Variants in RUSC2 observed in about 807,000 individuals in gnomAD.
RUSC2 encodes RUN and SH3 domain containing 2.
Under a neutral mutation model 122.2 loss-of-function variants are expected in RUSC2, and 34 were observed. That is an observed-to-expected ratio of 0.28 (90% CI 0.21 to 0.37). RUSC2 has a LOEUF of 0.37. Ranked by LOEUF, RUSC2 falls within the 10% of genes least tolerant of loss-of-function variation. RUSC2 has a pLI of 1.00. For synonymous variants in RUSC2, 784 were observed against 790.0 expected, an observed-to-expected ratio of 0.99 and a Z score of 0.13; for missense variants, 1,747 against 1,952.4, an observed-to-expected ratio of 0.89 and a Z score of 1.98.
At chr9:35,524,964 C>G (rs868437040) in intron 1 of RUSC2, among the ~76,000 whole-genome samples, 2 of 150,302 alleles carry the variant, frequency 1.3e-5, no homozygotes, top group South Asian at 4.2e-4. Flanking sequence ...GAGCGAGACT[C>G]CATCTCAAAA....
chr9:35,558,587 A>G lies in RUSC2; in HGVS notation c.3341+20A>G. 6.3e-7 allele frequency: 1 copy of G among 1,596,642 alleles called. No homozygotes were observed. The highest frequency in any genetic ancestry group is 8.6e-7 in the Non-Finnish European group (1 of 1,164,188). On this transcript the variant is annotated intron_variant, in intron 8 of 11. Transcript: ENST00000361226. This position sits in a 1 kb window ranked among gnomAD's most constrained non-coding sequence, Gnocchi z 4.3. ...GCTCAAGTGAGTGCACAGAGCAGCA[A>G]GATCCCCTAAACAACTTGCCCTGCC...
Position 35,515,986 on chromosome 9 carries a change from G to A in RUSC2, c.-93+25814G>A, listed in dbSNP as rs1213660320. Among the ~76,000 whole-genome samples the A allele has an allele frequency of 1.5e-4, 8 of 55,006 alleles. No individual in the cohort carries two copies. In the East Asian group the frequency reaches 1.8e-3, roughly 12 times the overall value. The allele number at this position is 55,006 out of a possible 152,430, so 36.1% of individuals were successfully genotyped here. A position where few individuals can be genotyped will look rare whatever the true frequency, so the allele number is the denominator to read the frequency against. ...CACATTCCAGCCTGAGCGACACAGC[G>A]AGATTCTTGTCTCAAAAAAAAAAAA... On this transcript the variant is annotated intron_variant, in intron 1 of 11. Transcript: ENST00000361226.
At chr9:35,495,043 G>GTATATATAATATATAC (rs1554723079) in intron 1 of RUSC2, among the ~76,000 whole-genome samples, 17 of 74,770 alleles carry the variant, frequency 2.3e-4, no homozygotes, top group Non-Finnish European at 3.1e-4. Context: ...ATATACTATA[G>GTATATATAATATATAC]TATATATAAT....
chr9:35,556,880 C>G (rs1319581841), intron 5 of RUSC2, among the ~76,000 whole-genome samples: 1 of 152,178 alleles, frequency 6.6e-6, no homozygotes, highest in Admixed American at 6.5e-5. Flanking sequence ...TTGGAGCACA[C>G]AGGCTCTGGG....
At chr9:35,553,194 A>C (rs1214655780) in intron 2 of RUSC2, among the ~76,000 whole-genome samples, 1 of 152,234 alleles carries the variant, frequency 6.6e-6, no homozygotes, top group African/African-American at 2.4e-5. Context: ...AGCTCGTAGC[A>C]GGTGTGGGCA....
rs574025034 is a variant in RUSC2, at chr9:35,547,347, A to G, written c.826A>G (p.Ser276Gly). 1.7e-5 allele frequency: 28 copies of G among 1,614,052 alleles called. No individual in the cohort carries two copies. Among genetic ancestry groups the G allele is most frequent in the Non-Finnish European group, 2.3e-5 (27 of 1,180,042 alleles). Residue 276 changes from serine to glycine, a missense_variant, in exon 2 of 12, where the codon AGT (serine) becomes GGT (glycine). Physicochemically the swap from Ser to Gly is moderately conservative, Grantham distance 56. Coordinates refer to ENST00000361226, the MANE Select transcript of RUSC2 (RefSeq NM_014806.5). This position sits in a 1 kb window ranked among gnomAD's most constrained non-coding sequence, Gnocchi z 4.6. ...MGYVSDSSCN[S>G]SDGVLVTFST... Reference sequence around the variant, plus strand: ...CTATGTGAGCGACTCCTCCTGCAACAGTTCAGATGGTGTGCTGGTCACCTT... The same window carrying G: ...CTATGTGAGCGACTCCTCCTGCAACGGTTCAGATGGTGTGCTGGTCACCTT...
chr9:35,559,121 G>A, intron 8 of RUSC2, 105 bp from the exon 9 acceptor site: 1 of 887,008 alleles, frequency 1.1e-6, no homozygotes, highest in East Asian at 2.4e-5. Context: ...TCGTGCCATG[G>A]AAGGGCGTGT....
chr9:35,497,687 T>G (rs1017657146), intron 1 of RUSC2, among the ~76,000 whole-genome samples: 1 of 152,204 alleles, frequency 6.6e-6, no homozygotes, highest in Non-Finnish European at 1.5e-5. Flanking sequence ...ATTAATGATA[T>G]GCACACTCAT....
intron 1 of RUSC2, among the ~76,000 whole-genome samples, chr9:35,498,848 A>C (rs1412302309): frequency 6.6e-6 from 1 of 151,478 alleles, no homozygotes; most frequent in Non-Finnish European, 1.5e-5. Context: ...CATCTCAAAA[A>C]AAAAAAAACA....
At chr9:35,495,631 A>C (rs1445797324) in intron 1 of RUSC2, among the ~76,000 whole-genome samples, 1 of 152,036 alleles carries the variant, frequency 6.6e-6, no homozygotes, top group Non-Finnish European at 1.5e-5. Context: ...TTTCTTTTTC[A>C]AGATTGTTTT....
intron 1 of RUSC2, among the ~76,000 whole-genome samples, chr9:35,534,735 G>T (rs1379186274): frequency 1.3e-5 from 2 of 152,070 alleles, no homozygotes; most frequent in Non-Finnish European, 1.5e-5. Context: ...TGCCTGCCTT[G>T]GCCTCCCAAA....
At chr9:35,545,154 A>C (rs1235383883) in intron 1 of RUSC2, among the ~76,000 whole-genome samples, 2 of 152,202 alleles carry the variant, frequency 1.3e-5, no homozygotes, top group Non-Finnish European at 2.9e-5. Flanking sequence ...ACTTTACCAC[A>C]TTCCACATGA....
rs1028963033 is a variant in RUSC2 at position 35,561,877 on chromosome 9, A to G, written c.*495A>G. The G allele has an allele frequency of 1.0e-5, 7 of 691,986 alleles. No individual in the cohort carries two copies. The African/African-American group carries it at 1.3e-4, about 12-fold the overall frequency. The allele number at this position is 691,986 out of a possible 1,614,324, so 42.9% of individuals were successfully genotyped here. ...TTATTTATTATACCTATTAATAAAA[A>G]AGGTGCTCAGCCTCCAAACCATTTT... On this transcript the variant is annotated 3_prime_UTR_variant, in exon 12 of 12. Coordinates refer to ENST00000361226, the MANE Select transcript of RUSC2 (RefSeq NM_014806.5).
At chr9:35,491,204 G>T (rs1274683333) in intron 1 of RUSC2, among the ~76,000 whole-genome samples, 1 of 152,150 alleles carries the variant, frequency 6.6e-6, no homozygotes, top group East Asian at 1.9e-4. Context: ...GGGGGTTTGG[G>T]TTCCACGCGG....
intron 2 of RUSC2, among the ~76,000 whole-genome samples, chr9:35,549,663 A>AGAATGTTCTAGGCTCACAGGATTGTCTGT (rs1821843959): frequency 6.6e-6 from 1 of 152,228 alleles, no homozygotes; most frequent in African/African-American, 2.4e-5. Flanking sequence ...ACTTGTAAGA[A>AGAATGTTCTAGGCTCACAGGATTGTCTGT]GAATGTTCTA....
rs1822046377 is a variant in RUSC2, at chr9:35,557,419, A to C, written c.2984-495A>C. Among the ~76,000 whole-genome samples, 1 of 152,072 alleles carries C rather than the reference A, an allele frequency of 6.6e-6. No homozygotes were observed. Among genetic ancestry groups the C allele is most frequent in the Non-Finnish European group, 1.5e-5 (1 of 68,016 alleles). On this transcript the variant is annotated intron_variant, in intron 5 of 11. Transcript: ENST00000361226. This position sits in a 1 kb window ranked among gnomAD's most constrained non-coding sequence, Gnocchi z 4.6. Reference sequence around the variant, plus strand: ...AGGTAGAGGGAAGTTAAAGGAGTTTATAACTAGGGAACTCTGTTCTCTGAA... The same window carrying C: ...AGGTAGAGGGAAGTTAAAGGAGTTTCTAACTAGGGAACTCTGTTCTCTGAA...
chr9:35,509,378 G>A (rs1820973662), intron 1 of RUSC2, among the ~76,000 whole-genome samples: 1 of 152,186 alleles, frequency 6.6e-6, no homozygotes, highest in African/African-American at 2.4e-5. Flanking sequence ...CAGCCCATGA[G>A]TTTACATGGA....
intron 9 of RUSC2, among the ~76,000 whole-genome samples, chr9:35,559,816 C>T (rs1822103730): frequency 6.6e-6 from 1 of 152,198 alleles, no homozygotes; most frequent in South Asian, 2.1e-4. Context: ...CCCTGCATCT[C>T]ACTCCTCTAA....
Position 35,548,589 on chromosome 9 carries a change from T to C in RUSC2, c.2014+54T>C. On this transcript the variant is annotated intron_variant, in intron 2 of 11. Coordinates refer to ENST00000361226, the MANE Select transcript of RUSC2 (RefSeq NM_014806.5). The surrounding 1 kb of genome is among the most constrained non-coding windows in gnomAD (Gnocchi z 4.5). ...TGGCTATTCACCAGCAGGATATGCATGGCCACCTCCCTGACAGGTCCCTGC... is the reference window on the plus strand; with the variant it reads ...TGGCTATTCACCAGCAGGATATGCACGGCCACCTCCCTGACAGGTCCCTGC... 1 of 1,521,032 alleles carries C rather than the reference T, an allele frequency of 6.6e-7. No homozygotes were observed. Among genetic ancestry groups the C allele is most frequent in the Non-Finnish European group, 8.8e-7 (1 of 1,140,014 alleles). The allele number at this position is 1,521,032 out of a possible 1,614,324, so 94.2% of individuals were successfully genotyped here.
Sources: allele counts gnomAD v4.1 joint callset (sites outside exome capture counted in the v4.1 genomes callset), GRCh38; gene constraint gnomAD v4.1.1; non-coding constraint Gnocchi (gnomAD v3.1); transcripts MANE v1.5; gene names NCBI Gene and HGNC (gene_info 2026-07-23, HGNC 2026-07-21).